The following MBD5 variants were observed in gnomAD, a reference collection of about 807,000 sequenced individuals.
The protein encoded by MBD5 is methyl-CpG binding domain protein 5, also known as methyl-CpG-binding domain protein 5.
A neutral mutation model predicts 117.3 loss-of-function variants in MBD5; 13 were observed. That is an observed-to-expected ratio of 0.11 (90% CI 0.07 to 0.18). The LOEUF (loss-of-function observed/expected upper bound fraction) is 0.18, where lower values mean the gene tolerates loss of function less well. Among genes scored for constraint, MBD5 ranks in the 10% least tolerant of loss-of-function variants. MBD5 has a pLI of 1.00. For synonymous variants in MBD5, 727 were observed against 766.4 expected (o/e 0.95, Z 0.85); for missense variants, 1,879 against 2,093.8 (o/e 0.90, Z 2.00).
At chr2:148,148,312 G>C (rs1697524628) in intron 1 of MBD5, among the ~76,000 whole-genome samples, 1 of 152,160 alleles carries the variant, frequency 6.6e-6, no homozygotes, top group Non-Finnish European at 1.5e-5. Context: ...TGACTGCTCA[G>C]CTGCTAGTTT....
chr2:148,074,507 G>GTTTT (rs11443189), intron 1 of MBD5, among the ~76,000 whole-genome samples: 1 of 113,770 alleles, frequency 8.8e-6, no homozygotes, highest in Non-Finnish European at 1.7e-5. Flanking sequence ...TTTTTTTTTT[G>GTTTT]TTTTTTTTTT....
At chr2:148,324,224 C>G (rs1702378069) in intron 3 of MBD5, among the ~76,000 whole-genome samples, 1 of 152,066 alleles carries the variant, frequency 6.6e-6, no homozygotes, top group Non-Finnish European at 1.5e-5. Context: ...GTACCAGTAC[C>G]ATGCTGTTTT....
chr2:148,186,055 A>G (rs542571312), intron 2 of MBD5, among the ~76,000 whole-genome samples: 1 of 152,324 alleles, frequency 6.6e-6, no homozygotes, highest in Admixed American at 6.5e-5. Flanking sequence ...GGATGACTGG[A>G]GCTGGCAGTT....
At position 148,483,342 on chromosome 2, in the gene MBD5, C is replaced by G. The variant is rs935799783; in HGVS notation, c.2751C>G (p.Ser917Arg). 1.5e-5 allele frequency: 24 copies of G among 1,613,968 alleles called. No individual in the cohort carries two copies. The highest frequency in any genetic ancestry group is 1.9e-5 in the Non-Finnish European group (23 of 1,180,004). ...NNHLPHPLNP[S>R]LLSSLPISLP... is the part of the protein sequence containing the mutation. ...ATCTTCCACACCCCTTGAACCCCAG[C>G]CTCCTCAGTTCTCTACCTATCTCTT... The change falls in exon 9 of 14, where the codon AGC becomes AGG. Residue 917 changes from serine (S) to arginine (R), a missense_variant. This residue lies in a region of MBD5 where 1,666 missense variants were observed against 1,792.2 expected (regional missense o/e 0.93). Transcript: ENST00000642680.
rs150935155 is a variant in MBD5, at chr2:148,339,193, C to A, written c.-679-3021C>A. Among the ~76,000 whole-genome samples the A allele has an allele frequency of 1.2e-3, 177 of 152,284 alleles. 1 individual carries two copies. The highest frequency in any genetic ancestry group is 6.4e-3 in the South Asian group (31 of 4,818). ...TTCTGAAGGCAGAGGTGCTTCCATC[C>A]CCTTTTCTGCCATGTCTTCCTCTGG... On this transcript the variant is annotated intron_variant, in intron 3 of 13. Coordinates refer to ENST00000642680, the MANE Select transcript of MBD5 (RefSeq NM_001378120.1).
chr2:148,490,681 G>A lies in MBD5; in HGVS notation c.4962+87G>A, dbSNP rs1234885923. On this transcript the variant is annotated intron_variant, in intron 11 of 13. Transcript: ENST00000642680. ...TTGTTATCATCACTTTGGATTCTTT[G>A]GATTTGAAATTAGGATTCTTCATGA... 4 of 1,538,052 alleles carry A rather than the reference G, an allele frequency of 2.6e-6. No homozygotes were observed. In the South Asian group the frequency reaches 3.4e-5, roughly 13 times the overall value.
chr2:148,450,352 A>G (rs1706691998), intron 4 of MBD5, among the ~76,000 whole-genome samples: 1 of 152,170 alleles, frequency 6.6e-6, no homozygotes, highest in Admixed American at 6.6e-5. Context: ...TCTAAATACT[A>G]TGATTAATTT....
At chr2:148,433,453 AT>A (rs1450970838) in intron 4 of MBD5, among the ~76,000 whole-genome samples, 2 of 152,030 alleles carry the variant, frequency 1.3e-5, no homozygotes, top group Non-Finnish European at 2.9e-5. Flanking sequence ...TTCTCTCAGC[AT>A]TTGCCAATTC....
At chr2:148,147,330 C>G (rs1326331612) in intron 1 of MBD5, among the ~76,000 whole-genome samples, 1 of 151,834 alleles carries the variant, frequency 6.6e-6, no homozygotes, top group Non-Finnish European at 1.5e-5. Context: ...GCAACCTCTG[C>G]CTCCTAGATT....
chr2:148,145,226 C>A (rs1333728145), intron 1 of MBD5, among the ~76,000 whole-genome samples: 1 of 152,052 alleles, frequency 6.6e-6, no homozygotes, highest in Admixed American at 6.6e-5. Context: ...AATGGGAGTT[C>A]CCTCATGTTT....
intron 1 of MBD5, among the ~76,000 whole-genome samples, chr2:148,174,475 C>T (rs1698334197): frequency 2.0e-5 from 3 of 151,942 alleles, no homozygotes; most frequent in Admixed American, 6.6e-5. Flanking sequence ...AATGAAAAAG[C>T]TTCTGTACAG....
At position 148,174,525 on chromosome 2, in the gene MBD5, GA is replaced by G. The variant is rs1221873532; in HGVS notation, c.-924-4171del. Among the ~76,000 whole-genome samples the G allele has an allele frequency of 3.3e-5, 5 of 151,632 alleles. No individual in the cohort carries two copies. The East Asian group carries it at 9.7e-4, about 29-fold the overall frequency. On this transcript the variant is annotated intron_variant, in intron 1 of 13. Transcript: ENST00000642680. ...TACAGAGACAGCCTACAGATTGGGAGAAAATATTTTCAAGTCATACATTGAA... is the reference window on the plus strand; with the variant it reads ...TACAGAGACAGCCTACAGATTGGGAGAAATATTTTCAAGTCATACATTGAA...
At position 148,489,956 on chromosome 2, in the gene MBD5, A is replaced by G. The variant is rs762545887; in HGVS notation, c.4324A>G (p.Arg1442Gly). The change falls in exon 11 of 14, where the codon AGG (arginine) becomes GGG (glycine). Residue 1442 changes from arginine (R) to glycine (G), a missense_variant. Transcript: ENST00000642680. The part of the protein sequence containing the change: ...GEQSPRGERN[R>G]WKYEEFLDHP... The stretch of plus-strand genomic sequence containing the variant: ...GCAAAGCCCCAGAGGGGAGCGAAAC[A>G]GGTGGAAGTACGAGGAATTTTTAGA... 7 of 1,613,996 alleles carry G rather than the reference A, an allele frequency of 4.3e-6. No individual in the cohort carries two copies. The highest frequency in any genetic ancestry group is 5.1e-6 in the Non-Finnish European group (6 of 1,180,030).
intron 4 of MBD5, among the ~76,000 whole-genome samples, chr2:148,453,189 G>C (rs1265883660): frequency 7.9e-6 from 1 of 127,016 alleles, no homozygotes; most frequent in Non-Finnish European, 1.7e-5. Context: ...GTGAATTAAA[G>C]TGTGAGAGAG....
chr2:148,504,376 TG>T (rs1444168856), intron 12 of MBD5, among the ~76,000 whole-genome samples: 1 of 152,234 alleles, frequency 6.6e-6, no homozygotes, highest in African/African-American at 2.4e-5. Context: ...AGTCACGAGA[TG>T]GGTCAAAATT....
At chr2:148,506,516 T>G (rs893473270) in intron 12 of MBD5, among the ~76,000 whole-genome samples, 6 of 152,240 alleles carry the variant, frequency 3.9e-5, no homozygotes, top group Non-Finnish European at 5.9e-5. Flanking sequence ...CTTTTAGGTC[T>G]CACCCAAATT....
chr2:148,170,907 G>A (rs1263726583), intron 1 of MBD5, among the ~76,000 whole-genome samples: 2 of 152,126 alleles, frequency 1.3e-5, no homozygotes, highest in East Asian at 3.8e-4. Flanking sequence ...TAAATGCCTA[G>A]ACATATGCAG....
intron 2 of MBD5, among the ~76,000 whole-genome samples, chr2:148,220,963 C>G (rs1699672541): frequency 6.6e-6 from 1 of 152,120 alleles, no homozygotes; most frequent in African/African-American, 2.4e-5. Flanking sequence ...TGGTAACCAT[C>G]CTTCTCTCCT....
At chr2:148,065,071 T>A (rs1695149496) in intron 1 of MBD5, among the ~76,000 whole-genome samples, 1 of 152,048 alleles carries the variant, frequency 6.6e-6, no homozygotes, top group Middle Eastern at 3.2e-3. Context: ...ACAGCCAGCA[T>A]CCGGAGATAA....
Sources: gnomAD v4.1 joint callset for allele counts (sites outside exome capture counted in the v4.1 genomes callset) on GRCh38, gnomAD v4.1.1 for gene constraint, gnomAD v4.1.1 regional missense constraint, MANE v1.5 for transcripts, NCBI Gene and HGNC (gene_info 2026-07-23, HGNC 2026-07-21) for gene names.